Variants in SLC5A3 observed in about 807,000 individuals in gnomAD.
SLC5A3 encodes sodium/myo-inositol cotransporter.
In SLC5A3, 10 loss-of-function variants were observed where a neutral mutation model predicts 43.2. The observed-to-expected ratio is 0.23, with a 90% CI of 0.14 to 0.39. The LOEUF (loss-of-function observed/expected upper bound fraction) is 0.39, where lower values mean the gene tolerates loss of function less well. SLC5A3 is among the 10% of genes least tolerant of loss of function. The probability of loss-of-function intolerance (pLI) is 1.00; values close to 1 mark genes in which losing one functional copy is unlikely to be tolerated. For synonymous variants in SLC5A3, 349 were observed against 322.0 expected, an observed-to-expected ratio of 1.08 and a Z score of -0.90; for missense variants, 608 against 893.4, an observed-to-expected ratio of 0.68 and a Z score of 4.07.
chr21:34,073,605 G>C lies in SLC5A3; in HGVS notation c.-477G>C, dbSNP rs533723330. ...TTTCGCCGCCTGGGAGCCGTCCGGCGCAGCAGTTTCTAGGTCCCCACTGTC... is the reference window on the plus strand; with the variant it reads ...TTTCGCCGCCTGGGAGCCGTCCGGCCCAGCAGTTTCTAGGTCCCCACTGTC... On this transcript the variant is annotated 5_prime_UTR_variant, in exon 1 of 2. Coordinates refer to ENST00000381151, the MANE Select transcript of SLC5A3 (RefSeq NM_006933.7). 1 of 1,099,182 alleles carries C rather than the reference G, an allele frequency of 9.1e-7. No homozygotes were observed. Among genetic ancestry groups the C allele is most frequent in the South Asian group, 1.4e-5 (1 of 72,720 alleles). The allele number at this position is 1,099,182 out of a possible 1,614,324, so 68.1% of individuals were successfully genotyped here.
rs781686164 is a variant in SLC5A3 at position 34,097,381 on chromosome 21, CTT to C, written c.*27_*28del. The C allele has an allele frequency of 2.6e-6, 4 of 1,556,230 alleles. No individual in the cohort carries two copies. In the African/African-American group the frequency reaches 4.2e-5, roughly 16 times the overall value. On this transcript the variant is annotated 3_prime_UTR_variant, in exon 2 of 2. Transcript: ENST00000381151. ...ACTTAAGGATATGGTGAGACACTAA[CTT>C]AAGACAATACTGACTGGTCTTTGGG...
intron 1 of SLC5A3, among the ~76,000 whole-genome samples, chr21:34,076,716 C>T (rs911301776): frequency 2.0e-5 from 3 of 152,038 alleles, no homozygotes; most frequent in African/African-American, 4.8e-5. Flanking sequence ...TGAAATATGA[C>T]GGTAAAGTAA....
In SLC5A3 at chr21:34,098,994, CTTTT is replaced by C. The variant is rs1979104652; in HGVS notation, c.*1641_*1644del. The stretch of plus-strand genomic sequence containing the variant: ...TGTAGATTTTGAATCAAAACTCAGT[CTTTT>C]TAATTTTTTTGTAGTCTATAAACTA... On this transcript the variant is annotated 3_prime_UTR_variant, in exon 2 of 2. Coordinates refer to ENST00000381151, the MANE Select transcript of SLC5A3 (RefSeq NM_006933.7). 1.0e-6 allele frequency: 1 copy of C among 989,166 alleles called. No homozygotes were observed. The allele number at this position is 989,166 out of a possible 1,614,324, so 61.3% of individuals were successfully genotyped here.
At chr21:34,075,869 A>T (rs1989318164) in intron 1 of SLC5A3, among the ~76,000 whole-genome samples, 1 of 152,212 alleles carries the variant, frequency 6.6e-6, no homozygotes, top group Admixed American at 6.5e-5. Flanking sequence ...TTAAAAAGTT[A>T]ACTCTAGGCT....
At position 34,096,006 on chromosome 21, in the gene SLC5A3, C is replaced by T; in HGVS notation, c.808C>T (p.Pro270Ser). 6.2e-7 allele frequency: 1 copy of T among 1,614,072 alleles called. No individual in the cohort carries two copies. Among genetic ancestry groups the T allele is most frequent in the Non-Finnish European group, 8.5e-7 (1 of 1,179,996 alleles). The change falls in exon 2 of 2, where the codon CCA (proline) becomes TCA (serine). Residue 270 changes from proline (P) to serine (S), a missense_variant. By Grantham distance (74) the Pro-to-Ser change is moderately conservative. Coordinates refer to ENST00000381151, the MANE Select transcript of SLC5A3 (RefSeq NM_006933.7). The surrounding 1 kb of genome is among the most constrained non-coding windows in gnomAD (Gnocchi z 5.9). The part of the protein sequence containing the change: ...PWPGFILGQT[P>S]ASVWYWCADQ... Reference sequence around the variant, plus strand: ...GCCTGGATTCATTCTTGGGCAGACCCCAGCTTCAGTATGGTACTGGTGTGC... The same window carrying T: ...GCCTGGATTCATTCTTGGGCAGACCTCAGCTTCAGTATGGTACTGGTGTGC...
rs1979464208 is a variant in SLC5A3 at position 34,106,070 on chromosome 21, C to T, written c.*8715C>T. ...TACTGACTCTGTAAAATACACTGTT[C>T]TTTGTGTACTGTGTGTTATTTTGCC... On this transcript the variant is annotated 3_prime_UTR_variant, in exon 2 of 2. Transcript: ENST00000381151. 2.0e-6 allele frequency: 2 copies of T among 997,838 alleles called. No homozygotes were observed. Among genetic ancestry groups the T allele is most frequent in the South Asian group, 9.4e-5 (2 of 21,250 alleles). 61.8% of individuals were successfully genotyped at this position (997,838 alleles called of 1,614,324 possible).
In SLC5A3 at chr21:34,104,090, G is replaced by C. The variant is rs994461694; in HGVS notation, c.*6735G>C. ...ATACTACTTGTCTTTGATTTTTTTT[G>C]TGTACGTTTGTATGTGAGAGATGAA... On this transcript the variant is annotated 3_prime_UTR_variant, in exon 2 of 2. Transcript: ENST00000381151. 1.0e-6 allele frequency: 1 copy of C among 999,666 alleles called. No individual in the cohort carries two copies. The highest frequency in any genetic ancestry group is 1.7e-5 in the African/African-American group (1 of 57,172). The allele number at this position is 999,666 out of a possible 1,614,324, so 61.9% of individuals were successfully genotyped here.
At position 34,097,530 on chromosome 21, in the gene SLC5A3, TA is replaced by T; in HGVS notation, c.*178del. On this transcript the variant is annotated 3_prime_UTR_variant, in exon 2 of 2. Coordinates refer to ENST00000381151, the MANE Select transcript of SLC5A3 (RefSeq NM_006933.7). ...TTATTTTCCCAGAGATGGATTAAAG[TA>T]AATCTTCAACTTAAGTGAAGCCAAA... 1 of 1,384,026 alleles carries T rather than the reference TA, an allele frequency of 7.2e-7. No individual in the cohort carries two copies. The highest frequency in any genetic ancestry group is 1.9e-5 in the South Asian group (1 of 53,386). 85.7% of individuals were successfully genotyped at this position (1,384,026 alleles called of 1,614,324 possible).
At chr21:34,091,620 A>G (rs1382530293) in intron 1 of SLC5A3, among the ~76,000 whole-genome samples, 1 of 152,062 alleles carries the variant, frequency 6.6e-6, no homozygotes. Flanking sequence ...ATTTGGATTA[A>G]TTCTTCAGTT....
At position 34,073,712 on chromosome 21, in the gene SLC5A3, C is replaced by T. The variant is rs746268274; in HGVS notation, c.-370C>T. On this transcript the variant is annotated 5_prime_UTR_variant, in exon 1 of 2. It adds an upstream start codon to the 5' untranslated region. Transcript: ENST00000381151. ...CCGATCCTCCAGGCATGCCCCGCTA[C>T]GAGCTGGCTTTAATCCTGAAAGCCA... 3 of 1,527,642 alleles carry T rather than the reference C, an allele frequency of 2.0e-6. No homozygotes were observed. Among genetic ancestry groups the T allele is most frequent in the African/African-American group, 2.9e-5 (2 of 69,270 alleles). 94.6% of individuals were successfully genotyped at this position (1,527,642 alleles called of 1,614,324 possible).
intron 1 of SLC5A3, among the ~76,000 whole-genome samples, chr21:34,073,980 G>A (rs1316677895): frequency 6.8e-6 from 1 of 146,276 alleles, no homozygotes; most frequent in African/African-American, 2.5e-5. Flanking sequence ...GCGCGGTCCG[G>A]GAGGGTGTGC....
chr21:34,087,670 TGCCTGCATAGGAAATA>T (rs1369297497), intron 1 of SLC5A3, among the ~76,000 whole-genome samples: 2 of 152,218 alleles, frequency 1.3e-5, no homozygotes, highest in Non-Finnish European at 2.9e-5. Context: ...TACAAAGTGT[TGCCTGCATAGGAAATA>T]GCCAGTCCCA....
chr21:34,105,345 G>A lies in SLC5A3; in HGVS notation c.*7990G>A, dbSNP rs1979430186. ...GATAAGATGGATATCAAAAATAGTT[G>A]CTGTGCAAAAGTTAGTAGTCTTCTT... On this transcript the variant is annotated 3_prime_UTR_variant, in exon 2 of 2. Coordinates refer to ENST00000381151, the MANE Select transcript of SLC5A3 (RefSeq NM_006933.7). The A allele has an allele frequency of 1.0e-6, 1 of 999,456 alleles. No individual in the cohort carries two copies. Among genetic ancestry groups the A allele is most frequent in the Admixed American group, 6.2e-5 (1 of 16,254 alleles). The allele number at this position is 999,456 out of a possible 1,614,324, so 61.9% of individuals were successfully genotyped here.
chr21:34,093,382 CA>C (rs1363640603), intron 1 of SLC5A3, among the ~76,000 whole-genome samples: 1 of 151,940 alleles, frequency 6.6e-6, no homozygotes, highest in Non-Finnish European at 1.5e-5. Flanking sequence ...GGGATTGAGA[CA>C]TTTCTATCCA....
chr21:34,077,483 G>A (rs2148651522), intron 1 of SLC5A3, among the ~76,000 whole-genome samples: 1 of 152,222 alleles, frequency 6.6e-6, no homozygotes, highest in African/African-American at 2.4e-5. Flanking sequence ...TGGCGTTCAG[G>A]AATTTTTACA....
rs751642021 is a variant in SLC5A3, at chr21:34,096,485, C to T, written c.1287C>T (p.Ile429=). 66 of 1,614,158 alleles carry T rather than the reference C, an allele frequency of 4.1e-5. No homozygotes were observed. The highest frequency in any genetic ancestry group is 3.3e-4 in the Middle Eastern group (2 of 6,062). Reference sequence around the variant, plus strand: ...TCAGCATAGCATGGGTGCCAATCATCGTGGAGATGCAAGGAGGCCAGATGT... The same window carrying T: ...TCAGCATAGCATGGGTGCCAATCATTGTGGAGATGCAAGGAGGCCAGATGT... The part of the protein sequence containing the change: ...VVISIAWVPI[I]VEMQGGQMYL... Residue 429 remains isoleucine (I), a synonymous_variant, in exon 2 of 2, where the codon ATC becomes ATT. Coordinates refer to ENST00000381151, the MANE Select transcript of SLC5A3 (RefSeq NM_006933.7). The surrounding 1 kb of genome is among the most constrained non-coding windows in gnomAD (Gnocchi z 5.9).
Position 34,103,699 on chromosome 21 carries a change from T to C in SLC5A3, c.*6344T>C. 1.0e-6 allele frequency: 1 copy of C among 1,000,146 alleles called. No homozygotes were observed. The highest frequency in any genetic ancestry group is 1.2e-6 in the Non-Finnish European group (1 of 829,944). 62.0% of individuals were successfully genotyped at this position (1,000,146 alleles called of 1,614,324 possible). The stretch of plus-strand genomic sequence containing the variant: ...TTTGTCTCAGAGTTGCTATGAGCAC[T>C]ACAGTATTGATAAGCCCAAGACAAT... On this transcript the variant is annotated 3_prime_UTR_variant, in exon 2 of 2. Transcript: ENST00000381151.
chr21:34,079,848 A>G (rs970990156), intron 1 of SLC5A3, among the ~76,000 whole-genome samples: 6 of 151,920 alleles, frequency 3.9e-5, no homozygotes, highest in African/African-American at 1.5e-4. Context: ...CCTCCTGGGT[A>G]TCCCCTTGGC....
In SLC5A3 at chr21:34,096,135, A is replaced by G; in HGVS notation, c.937A>G (p.Ile313Val). The G allele has an allele frequency of 1.2e-6, 2 of 1,614,170 alleles. No individual in the cohort carries two copies. Among genetic ancestry groups the G allele is most frequent in the Non-Finnish European group, 8.5e-7 (1 of 1,180,002 alleles). Residue 313 changes from isoleucine to valine, a missense_variant, in exon 2 of 2, where the codon ATA becomes GTA. By Grantham distance (29) the Ile-to-Val change is conservative. This residue lies in a region of SLC5A3 where 398 missense variants were observed against 668.6 expected (regional missense o/e 0.60). Transcript: ENST00000381151. This position sits in a 1 kb window ranked among gnomAD's most constrained non-coding sequence, Gnocchi z 5.9. ...CTTAAAGCTCCTGCCAATGTTTATCATAGTTGTCCCAGGAATGATTTCCAG... is the reference window on the plus strand; with the variant it reads ...CTTAAAGCTCCTGCCAATGTTTATCGTAGTTGTCCCAGGAATGATTTCCAG... ...GFLKLLPMFI[I>V]VVPGMISRIL... is the part of the protein sequence containing the mutation.
Sources: allele counts gnomAD v4.1 joint callset (sites outside exome capture counted in the v4.1 genomes callset), GRCh38; gene constraint gnomAD v4.1.1; regional missense constraint gnomAD v4.1.1; non-coding constraint Gnocchi (gnomAD v3.1); transcripts MANE v1.5; gene names NCBI Gene and HGNC (gene_info 2026-07-23, HGNC 2026-07-21).